DMD: variants seen among roughly 807,000 people sequenced by gnomAD.
DMD encodes the protein dystrophin.
DMD carries 63 observed loss-of-function variants against 330.1 expected under a neutral mutation model. The ratio of observed to expected loss-of-function variants is 0.19; its 90% confidence interval spans 0.16 to 0.24. DMD has a LOEUF of 0.24. DMD is among the 10% of genes least tolerant of loss of function. DMD has a pLI of 1.00. For synonymous variants in DMD, 1,223 were observed against 959.8 expected (o/e 1.27, Z -5.07); for missense variants, 3,344 against 2,684.1 (o/e 1.25, Z -5.43).
chrX:31,348,151 C>A (rs2058199899), intron 61 of DMD: 2 of 179,080 alleles, frequency 1.1e-5, no homozygotes, highest in Admixed American at 7.3e-5. Flanking sequence ...GCTTTATGAA[C>A]TGAACTGATA....
chrX:32,501,636 C>T, intron 19 of DMD, 119 bp downstream of exon 19: 2 of 550,770 alleles, frequency 3.6e-6, no homozygotes, highest in East Asian at 7.4e-5. Context: ...CATACAAACA[C>T]CTTTTAATTT....
intron 9 of DMD, among the ~76,000 whole-genome samples, chrX:32,650,321 T>TA (rs748309569): frequency 2.6e-4 from 29 of 112,106 alleles, no homozygotes; most frequent in African/African-American, 9.4e-4. Flanking sequence ...TCAAGAACAT[T>TA]TGCAAATTTT....
chrX:32,744,415 G>A (rs556170788), intron 7 of DMD, among the ~76,000 whole-genome samples: 70 of 110,083 alleles, frequency 6.4e-4, no homozygotes, highest in African/African-American at 2.2e-3. Flanking sequence ...TTCTCATAAG[G>A]CATATTCTCT....
At chrX:32,853,157 G>C (rs1362218059) in intron 2 of DMD, among the ~76,000 whole-genome samples, 1 of 111,985 alleles carries the variant, frequency 8.9e-6, no homozygotes, top group Non-Finnish European at 1.9e-5. Flanking sequence ...GACCTTCCAA[G>C]ACAGAAGCTG....
chrX:32,523,615 T>A (rs2046646423), intron 17 of DMD, among the ~76,000 whole-genome samples: 1 of 112,282 alleles, frequency 8.9e-6, no homozygotes. Context: ...TACATGGCTG[T>A]CTACTCTTTA....
chrX:33,303,924 CA>C (rs2053711206), intron 1 of DMD, among the ~76,000 whole-genome samples: 1 of 111,543 alleles, frequency 9.0e-6, no homozygotes, highest in Non-Finnish European at 1.9e-5. Context: ...TTTATCATTT[CA>C]AATTTATTTA....
At chrX:31,131,367 CTTTTGT>C (rs1429043308) in intron 77 of DMD, among the ~76,000 whole-genome samples, 1 of 111,691 alleles carries the variant, frequency 9.0e-6, no homozygotes, top group Non-Finnish European at 1.9e-5. Context: ...CTTGATGAAA[CTTTTGT>C]TTCTGATCTT....
chrX:31,664,653 T>C (rs1190686631), intron 53 of DMD, among the ~76,000 whole-genome samples: 1 of 95,390 alleles, frequency 1.0e-5, no homozygotes, highest in Non-Finnish European at 2.0e-5. Flanking sequence ...CCCTGGGTAG[T>C]TGTATCATAA....
intron 37 of DMD, among the ~76,000 whole-genome samples, chrX:32,361,035 AT>A (rs1202097887): frequency 9.1e-6 from 1 of 110,343 alleles, no homozygotes; most frequent in East Asian, 2.8e-4. Flanking sequence ...AATTCTACCC[AT>A]TTTTTAATAT....
At chrX:31,178,219 A>C in intron 70 of DMD, 1 of 753,870 alleles carries the variant, frequency 1.3e-6, no homozygotes, top group Non-Finnish European at 1.6e-6. Context: ...GAGAATCATT[A>C]CTACTTACTG....
Position 32,802,772 on chromosome X carries a change from G to A in DMD, c.649+6721C>T, listed in dbSNP as rs150076535. On this transcript the variant is annotated intron_variant, in intron 7 of 78. Coordinates refer to ENST00000357033, the MANE Select transcript of DMD (RefSeq NM_004006.3). ...TGGTTCTGTTTATGTGATGGATTAC[G>A]TTTGTTGGTTTCTGTATGTTAAACT... Among the ~76,000 whole-genome samples the A allele has an allele frequency of 3.1e-4, 35 of 111,959 alleles. 1 individual carries two copies. In the East Asian group the frequency reaches 6.5e-3, roughly 21 times the overall value.
intron 7 of DMD, among the ~76,000 whole-genome samples, chrX:32,777,273 T>TGGTGGGGGGGGGGGGG (rs1173484452): frequency 7.5e-4 from 1 of 1,334 alleles, no homozygotes; most frequent in Non-Finnish European, 1.4e-3. Flanking sequence ...GTTTGGTTTC[T>TGGTGGGGGGGGGGGGG]GGTTGGGGGG....
intron 52 of DMD, among the ~76,000 whole-genome samples, chrX:31,692,393 C>T (rs2083185565): frequency 9.1e-6 from 1 of 110,329 alleles, no homozygotes. Context: ...CCAAAGTTAG[C>T]AGAAAGAAGA....
chrX:31,398,449 T>C lies in DMD; in HGVS notation c.9084+46032A>G, dbSNP rs188162136. On this transcript the variant is annotated intron_variant, in intron 60 of 78. Coordinates refer to ENST00000357033, the MANE Select transcript of DMD (RefSeq NM_004006.3). ...AGGGTGGGGAGCAGGGAGGAAAAAATTCTTTTTGAAAAAATGTGTTGTAGA... is the reference window on the plus strand; with the variant it reads ...AGGGTGGGGAGCAGGGAGGAAAAAACTCTTTTTGAAAAAATGTGTTGTAGA... Among the ~76,000 whole-genome samples the C allele has an allele frequency of 2.7e-5, 3 of 111,150 alleles. No homozygotes were observed. In the East Asian group the frequency reaches 8.5e-4, roughly 32 times the overall value.
chrX:32,127,302 C>A (rs998982669), intron 44 of DMD, among the ~76,000 whole-genome samples: 3 of 111,730 alleles, frequency 2.7e-5, no homozygotes, highest in Non-Finnish European at 5.6e-5. Flanking sequence ...AAAGGGCTTA[C>A]AATTGTGAAC....
chrX:31,302,420 A>T (rs1416623173), intron 62 of DMD, among the ~76,000 whole-genome samples: 2 of 111,928 alleles, frequency 1.8e-5, no homozygotes, highest in Non-Finnish European at 3.8e-5. Flanking sequence ...AGAAGACAAT[A>T]TGCAAGATTA....
intron 69 of DMD, among the ~76,000 whole-genome samples, chrX:31,180,115 T>G (rs762063575): frequency 9.0e-6 from 1 of 111,270 alleles, no homozygotes; most frequent in East Asian, 2.8e-4. Flanking sequence ...AATACAACCA[T>G]GCACACAGAA....
At chrX:32,341,656 T>C (rs2097743589) in intron 41 of DMD, among the ~76,000 whole-genome samples, 1 of 111,905 alleles carries the variant, frequency 8.9e-6, no homozygotes, top group Non-Finnish European at 1.9e-5. Flanking sequence ...GATAATGGCT[T>C]ATGCAGGTTG....
At chrX:31,150,465 T>A (rs1360532979) in intron 74 of DMD, among the ~76,000 whole-genome samples, 2 of 112,301 alleles carry the variant, frequency 1.8e-5, no homozygotes, top group Non-Finnish European at 3.8e-5. Context: ...TGATATTTGA[T>A]ATCCAGTGAC....
Sources: gnomAD v4.1 joint callset for allele counts (sites outside exome capture counted in the v4.1 genomes callset) on GRCh38, gnomAD v4.1.1 for gene constraint, MANE v1.5 for transcripts, NCBI Gene and HGNC (gene_info 2026-07-23, HGNC 2026-07-21) for gene names.